THSD7B: variants seen among roughly 807,000 people sequenced by gnomAD.
The protein encoded by THSD7B is thrombospondin type-1 domain-containing protein 7B.
THSD7B carries 138 observed loss-of-function variants against 213.6 expected under a neutral mutation model. The observed-to-expected ratio is 0.65, with a 90% CI of 0.56 to 0.74. The LOEUF (loss-of-function observed/expected upper bound fraction) is 0.74. Among genes scored for constraint, THSD7B ranks in the 30% least tolerant of loss-of-function variants. THSD7B has a pLI of 0.00. For missense variants in THSD7B, 1,931 were observed against 1,991.5 expected, an observed-to-expected ratio of 0.97 and a Z score of 0.58; for synonymous variants, 742 against 687.0, an observed-to-expected ratio of 1.08 and a Z score of -1.25.
chr2:137,208,698 G>A (rs1373830299), intron 7 of THSD7B, among the ~76,000 whole-genome samples: 1 of 152,040 alleles, frequency 6.6e-6, no homozygotes, highest in African/African-American at 2.4e-5. Context: ...TTGACTGGTT[G>A]TGGATGAAAT....
intron 7 of THSD7B, among the ~76,000 whole-genome samples, chr2:137,177,316 A>T (rs1395572444): frequency 6.6e-6 from 1 of 151,992 alleles, no homozygotes; most frequent in Non-Finnish European, 1.5e-5. Flanking sequence ...CTGGAGGGGG[A>T]CTAGGTTACT....
chr2:137,672,359 C>T (rs899659937), intron 27 of THSD7B, among the ~76,000 whole-genome samples: 5 of 152,126 alleles, frequency 3.3e-5, no homozygotes, highest in Non-Finnish European at 7.3e-5. Context: ...TAGAGTTTGC[C>T]TATCCCTAGA....
intron 10 of THSD7B, among the ~76,000 whole-genome samples, chr2:137,259,912 T>TGTGTGTGCGTGTGG (rs953915505): frequency 6.6e-6 from 1 of 151,888 alleles, no homozygotes; most frequent in African/African-American, 2.4e-5. Context: ...TCTTTATTTG[T>TGTGTGTGCGTGTGG]GTGTGTGCGT....
At chr2:137,340,209 A>G (rs906127571) in intron 12 of THSD7B, among the ~76,000 whole-genome samples, 4 of 151,922 alleles carry the variant, frequency 2.6e-5, no homozygotes, top group Non-Finnish European at 5.9e-5. Flanking sequence ...CTTCATATGT[A>G]TAATTTCAGG....
chr2:137,085,828 G>A (rs540027470), intron 3 of THSD7B, among the ~76,000 whole-genome samples: 31 of 152,262 alleles, frequency 2.0e-4, no homozygotes, highest in African/African-American at 7.5e-4. Context: ...CACAAACTAT[G>A]AGGGGAAGGA....
intron 2 of THSD7B, among the ~76,000 whole-genome samples, chr2:136,978,929 G>A (rs1685531637): frequency 6.6e-6 from 1 of 151,470 alleles, no homozygotes; most frequent in South Asian, 2.1e-4. Context: ...GGTTGGTATA[G>A]GCTTTTTCTT....
chr2:137,072,182 A>G (rs1251399361), intron 3 of THSD7B, among the ~76,000 whole-genome samples: 3 of 152,274 alleles, frequency 2.0e-5, no homozygotes, highest in East Asian at 3.9e-4. Flanking sequence ...CATTGAATCT[A>G]TAAATTACCT....
intron 2 of THSD7B, among the ~76,000 whole-genome samples, chr2:136,943,790 T>C (rs527480141): frequency 6.6e-6 from 1 of 152,284 alleles, no homozygotes; most frequent in South Asian, 2.1e-4. Context: ...TTATTAGTCT[T>C]GCTAGCGGTC....
intron 7 of THSD7B, among the ~76,000 whole-genome samples, chr2:137,185,459 G>A (rs1384283122): frequency 6.6e-6 from 1 of 152,028 alleles, no homozygotes; most frequent in Non-Finnish European, 1.5e-5. Context: ...GTGTACTCAT[G>A]TTTTAACTCC....
chr2:137,295,853 C>T (rs1558746875), intron 12 of THSD7B, among the ~76,000 whole-genome samples: 2 of 152,106 alleles, frequency 1.3e-5, no homozygotes, highest in African/African-American at 4.8e-5. Context: ...AGTTTGTTTT[C>T]ATTCATATCT....
intron 10 of THSD7B, among the ~76,000 whole-genome samples, chr2:137,246,350 A>T (rs1381622206): frequency 2.0e-5 from 3 of 152,172 alleles, no homozygotes; most frequent in Non-Finnish European, 4.4e-5. Flanking sequence ...ATCCTACTCT[A>T]ATACATTCTG....
At chr2:137,331,549 G>T (rs996652233) in intron 12 of THSD7B, among the ~76,000 whole-genome samples, 9 of 152,230 alleles carry the variant, frequency 5.9e-5, no homozygotes, top group African/African-American at 2.2e-4. Flanking sequence ...GCTTCACCCA[G>T]TGGATCCAGC....
At chr2:137,524,133 T>A (rs1255548685) in intron 15 of THSD7B, among the ~76,000 whole-genome samples, 1 of 152,132 alleles carries the variant, frequency 6.6e-6, no homozygotes, top group Non-Finnish European at 1.5e-5. Context: ...TTGTAGCCTG[T>A]CAAAATGTCA....
At chr2:137,674,683 G>C (rs997552468) in intron 27 of THSD7B, among the ~76,000 whole-genome samples, 4 of 152,152 alleles carry the variant, frequency 2.6e-5, no homozygotes, top group African/African-American at 4.8e-5. Context: ...GAAATTGAAG[G>C]CTGAAGCTCC....
rs56349408 is a variant in THSD7B, at chr2:136,827,770, T to TGAGA, written c.-35-54353_-35-54350dup. On this transcript the variant is annotated intron_variant, in intron 1 of 27. Coordinates refer to ENST00000409968, the MANE Select transcript of THSD7B (RefSeq NM_001316349.2). ...AGATATTTAGAGAGTTACACTGAAATGAGAGAGAGAGAGAGAGAGAGAGAT... is the reference window on the plus strand; with the variant it reads ...AGATATTTAGAGAGTTACACTGAAATGAGAGAGAGAGAGAGAGAGAGAGAGAGAT... 5.1e-4 allele frequency among the ~76,000 whole-genome samples: 75 copies of TGAGA among 146,436 alleles called. No homozygotes were observed. The Middle Eastern group carries it at 0.014, about 28-fold the overall frequency.
At chr2:136,798,867 G>A (rs576958600) in intron 1 of THSD7B, among the ~76,000 whole-genome samples, 1 of 152,142 alleles carries the variant, frequency 6.6e-6, no homozygotes, top group Middle Eastern at 3.4e-3. Context: ...GACAATAGAA[G>A]TAGTTAGCAA....
At chr2:137,375,017 A>G (rs747722142) in intron 12 of THSD7B, among the ~76,000 whole-genome samples, 13 of 152,214 alleles carry the variant, frequency 8.5e-5, no homozygotes, top group African/African-American at 1.7e-4. Context: ...CTTGGGTGCT[A>G]TGAAGACTTG....
intron 21 of THSD7B, among the ~76,000 whole-genome samples, chr2:137,648,450 T>A (rs1683078400): frequency 6.6e-6 from 1 of 152,182 alleles, no homozygotes; most frequent in African/African-American, 2.4e-5. Flanking sequence ...ATCCACCTTT[T>A]TAGCTTCCAC....
At chr2:137,252,773 G>A (rs1395444845) in intron 10 of THSD7B, among the ~76,000 whole-genome samples, 1 of 152,146 alleles carries the variant, frequency 6.6e-6, no homozygotes, top group Non-Finnish European at 1.5e-5. Context: ...GGGGAGGTTG[G>A]CCTTTCCAAC....
Sources: gnomAD v4.1 joint callset for allele counts (sites outside exome capture counted in the v4.1 genomes callset) on GRCh38, gnomAD v4.1.1 for gene constraint, MANE v1.5 for transcripts, NCBI Gene and HGNC (gene_info 2026-07-23, HGNC 2026-07-21) for gene names.